The following ASCC3 variants were observed in gnomAD, a reference collection of about 807,000 sequenced individuals.
ASCC3 encodes the protein activating signal cointegrator 1 complex subunit 3, also known as ASC-1 complex subunit P200.
ASCC3 carries 158 observed loss-of-function variants against 256.3 expected under a neutral mutation model. The ratio of observed to expected loss-of-function variants is 0.62; its 90% confidence interval spans 0.54 to 0.70. ASCC3 has a LOEUF of 0.70. Among genes scored for constraint, ASCC3 ranks in the 30% least tolerant of loss-of-function variants. The pLI is 0.00. For missense variants in ASCC3, 2,259 were observed against 2,626.0 expected (o/e 0.86, Z 3.05); for synonymous variants, 948 against 883.4 (o/e 1.07, Z -1.30).
At chr6:100,878,018 C>T (rs1044051519) in intron 1 of ASCC3, among the ~76,000 whole-genome samples, 6 of 152,132 alleles carry the variant, frequency 3.9e-5, no homozygotes, top group Non-Finnish European at 7.4e-5. Context: ...TGCTGAGAGA[C>T]AGCATGTTAT....
At chr6:100,650,025 C>A (rs1360746083) in intron 20 of ASCC3, among the ~76,000 whole-genome samples, 3 of 151,498 alleles carry the variant, frequency 2.0e-5, no homozygotes, top group Non-Finnish European at 1.5e-5. Context: ...TAAGTTTCAA[C>A]AGTAGAGAGG....
At chr6:100,755,043 C>G (rs1781112791) in intron 10 of ASCC3, among the ~76,000 whole-genome samples, 1 of 151,930 alleles carries the variant, frequency 6.6e-6, no homozygotes, top group Admixed American at 6.6e-5. Flanking sequence ...GGTATTTCTT[C>G]ATAGCAGTAT....
chr6:100,584,456 C>T lies in ASCC3; in HGVS notation c.5550+5178G>A, dbSNP rs911404534. On this transcript the variant is annotated intron_variant, in intron 36 of 41. Coordinates refer to ENST00000369162, the MANE Select transcript of ASCC3 (RefSeq NM_006828.4). ...ATTTGCTTGGTAGACTTCCTCCATC[C>T]TTTTATTTTGAGCCTATGTGTGTCT... Among the ~76,000 whole-genome samples, 3 of 151,984 alleles carry T rather than the reference C, an allele frequency of 2.0e-5. No homozygotes were observed. In the Admixed American group the frequency reaches 2.0e-4, roughly 10 times the overall value.
At chr6:100,856,291 T>TA (rs1772935705) in intron 3 of ASCC3, 1 of 610,130 alleles carries the variant, frequency 1.6e-6, no homozygotes, top group African/African-American at 2.0e-5. Context: ...AACACAAATA[T>TA]AAAAATAGGC....
At chr6:100,515,715 A>C (rs1773987397) in intron 39 of ASCC3, among the ~76,000 whole-genome samples, 1 of 152,192 alleles carries the variant, frequency 6.6e-6, no homozygotes, top group Admixed American at 6.5e-5. Context: ...AGAGGGGCAT[A>C]AACAAATAAC....
intron 14 of ASCC3, among the ~76,000 whole-genome samples, chr6:100,665,746 C>CAAAAAAAA (rs35000547): frequency 7.0e-6 from 1 of 143,882 alleles, no homozygotes; most frequent in Non-Finnish European, 1.5e-5. Flanking sequence ...TCTCAAAAAA[C>CAAAAAAAA]AAAAAAAAAA....
At chr6:100,569,678 TA>T (rs1770484888) in intron 36 of ASCC3, among the ~76,000 whole-genome samples, 1 of 152,132 alleles carries the variant, frequency 6.6e-6, no homozygotes, top group African/African-American at 2.4e-5. Flanking sequence ...CGCGGTCGGT[TA>T]CTGTAACCTT....
intron 1 of ASCC3, 39 bp from the exon 2 acceptor site, chr6:100,868,077 G>A: frequency 2.7e-6 from 3 of 1,110,138 alleles, no homozygotes; most frequent in South Asian, 1.3e-5. Flanking sequence ...GTTCGGAAGA[G>A]GTGGCAGAGG....
At chr6:100,820,264 A>T (rs1770970841) in intron 4 of ASCC3, among the ~76,000 whole-genome samples, 2 of 148,492 alleles carry the variant, frequency 1.3e-5, no homozygotes, top group Admixed American at 1.4e-4. Flanking sequence ...AACAGTAATT[A>T]AAAGAGTGTA....
chr6:100,668,801 T>C (rs1194377165), intron 14 of ASCC3, among the ~76,000 whole-genome samples: 1 of 151,842 alleles, frequency 6.6e-6, no homozygotes, highest in East Asian at 1.9e-4. Flanking sequence ...AGAAAGAACA[T>C]TATGATCATG....
chr6:100,547,365 T>A (rs1283293015), intron 36 of ASCC3, among the ~76,000 whole-genome samples: 4 of 151,694 alleles, frequency 2.6e-5, no homozygotes, highest in African/African-American at 4.8e-5. Flanking sequence ...AGAAAAAAAA[T>A]GATCAGCTGA....
At chr6:100,660,467 C>T (rs77151636) in intron 16 of ASCC3, among the ~76,000 whole-genome samples, 4,570 of 151,754 alleles carry the variant, frequency 0.03, 76 homozygotes, top group African/African-American at 0.055. Flanking sequence ...CACACAATTA[C>T]AGTAGCCAGT....
chr6:100,859,404 CT>C (rs1298932486), intron 3 of ASCC3, among the ~76,000 whole-genome samples: 1 of 151,976 alleles, frequency 6.6e-6, no homozygotes, highest in East Asian at 1.9e-4. Flanking sequence ...AAGTAAAACT[CT>C]TTGAACTCTT....
At position 100,647,251 on chromosome 6, in the gene ASCC3, C is replaced by T. The variant is rs1213808854; in HGVS notation, c.3453G>A (p.Leu1151=). 1.2e-6 allele frequency: 2 copies of T among 1,612,660 alleles called. No individual in the cohort carries two copies. The highest frequency in any genetic ancestry group is 1.7e-6 in the Non-Finnish European group (2 of 1,178,856). The change falls in exon 21 of 42, where the codon CTG becomes CTA. Residue 1151 remains leucine, a synonymous_variant. Transcript: ENST00000369162. ...CTATTTCATCTTTCCTCATGTCTTT[C>T]AGCTTATCCACAGTAAGCTTTTTTT... ...LEEKKLTVDK[L]KDMRKDEIGH... is the part of the protein sequence containing the mutation.
chr6:100,518,199 A>T lies in ASCC3; in HGVS notation c.5776-57T>A. 7.6e-6 allele frequency: 12 copies of T among 1,584,552 alleles called. No individual in the cohort carries two copies. In the Admixed American group the frequency reaches 2.0e-4, roughly 27 times the overall value. On this transcript the variant is annotated intron_variant, in intron 37 of 41. Coordinates refer to ENST00000369162, the MANE Select transcript of ASCC3 (RefSeq NM_006828.4). ...TTATATCATGGTACTTGCCCCCTCC[A>T]CTGGGATTCTGATGTTAGCTTTAAC...
chr6:100,826,834 C>T lies in ASCC3; in HGVS notation c.802-20954G>A, dbSNP rs1771338186. On this transcript the variant is annotated intron_variant, in intron 4 of 41. Transcript: ENST00000369162. ...CTAATTCCATCTAAACTGTATTTTA[C>T]CAGTCTACATTTCTCTTTCTTCTGT... Among the ~76,000 whole-genome samples, 2 of 152,178 alleles carry T rather than the reference C, an allele frequency of 1.3e-5. 1 individual carries two copies. Among genetic ancestry groups the T allele is most frequent in the South Asian group, 4.1e-4 (2 of 4,836 alleles).
At chr6:100,608,090 C>CACATATATATGTA (rs1562160992) in intron 30 of ASCC3, among the ~76,000 whole-genome samples, 1,782 of 71,622 alleles carry the variant, frequency 0.025, 70 homozygotes, top group Non-Finnish European at 0.038. Context: ...GTATATATAT[C>CACATATATATGTA]TATATACACA....
Position 100,566,134 on chromosome 6 carries a change from C to T in ASCC3, c.5550+23500G>A, listed in dbSNP as rs146009988. Among the ~76,000 whole-genome samples, 310 of 152,226 alleles carry T rather than the reference C, an allele frequency of 2.0e-3. No homozygotes were observed. The Middle Eastern group carries it at 0.024, about 12-fold the overall frequency. ...AGCACAACACAAAACAAAAACCTGT[C>T]TAGAGTAAGGTCAGATATGTTCCAA... is the stretch of plus-strand genomic sequence containing the variant. On this transcript the variant is annotated intron_variant, in intron 36 of 41. Transcript: ENST00000369162.
Position 100,551,162 on chromosome 6 carries a change from A to C in ASCC3, c.5551-10775T>G, listed in dbSNP as rs145225809. Among the ~76,000 whole-genome samples the C allele has an allele frequency of 7.0e-4, 106 of 152,120 alleles. 1 individual carries two copies. The highest frequency in any genetic ancestry group is 2.5e-3 in the African/African-American group (102 of 41,552). ...AATTAAAAGTACTTCAATAACCACA[A>C]GGTCTTACTGGGCTGGGTAGCTTGT... On this transcript the variant is annotated intron_variant, in intron 36 of 41. Transcript: ENST00000369162.
Sources: gnomAD v4.1 joint callset for allele counts (sites outside exome capture counted in the v4.1 genomes callset) on GRCh38, gnomAD v4.1.1 for gene constraint, MANE v1.5 for transcripts, NCBI Gene and HGNC (gene_info 2026-07-23, HGNC 2026-07-21) for gene names.